The following NKAIN3 variants were observed in gnomAD, a reference collection of about 807,000 sequenced individuals.
The protein encoded by NKAIN3 is sodium/potassium transporting ATPase interacting 3.
NKAIN3 carries 25 observed loss-of-function variants against 30.2 expected under a neutral mutation model. The ratio of observed to expected loss-of-function variants is 0.83; its 90% CI spans 0.60 to 1.16. The LOEUF is 1.16. Ranked by LOEUF, NKAIN3 falls within the 50% of genes most tolerant of loss-of-function variation. The probability of loss-of-function intolerance (pLI) is 0.00; values close to 1 mark genes in which losing one functional copy is unlikely to be tolerated. For synonymous variants in NKAIN3, 91 were observed against 89.6 expected (o/e 1.02, Z -0.09); for missense variants, 225 against 254.1 (o/e 0.89, Z 0.78).
chr8:62,728,033 T>A (rs531759992), intron 3 of NKAIN3, among the ~76,000 whole-genome samples: 193 of 152,302 alleles, frequency 1.3e-3, no homozygotes, highest in African/African-American at 4.5e-3. Context: ...GCCTTTGAAT[T>A]GATAAAGGCA....
At chr8:62,307,520 T>C (rs1444846383) in intron 1 of NKAIN3, among the ~76,000 whole-genome samples, 1 of 150,418 alleles carries the variant, frequency 6.6e-6, no homozygotes, top group East Asian at 1.9e-4. Flanking sequence ...AACCTTCTGA[T>C]TTTGTAGGAA....
intron 1 of NKAIN3, among the ~76,000 whole-genome samples, chr8:62,353,827 C>T (rs1199075759): frequency 6.6e-6 from 1 of 152,020 alleles, no homozygotes; most frequent in Admixed American, 6.5e-5. Flanking sequence ...GAAACAGACA[C>T]AAAGACAAAA....
At chr8:62,312,650 G>A in intron 1 of NKAIN3, among the ~76,000 whole-genome samples, 1 of 141,938 alleles carries the variant, frequency 7.0e-6, no homozygotes, top group East Asian at 1.9e-4. Flanking sequence ...AAACCCTATT[G>A]CTACAAAAAA....
chr8:62,958,912 T>A (rs1425405522), intron 6 of NKAIN3, among the ~76,000 whole-genome samples: 1 of 152,224 alleles, frequency 6.6e-6, no homozygotes, highest in African/African-American at 2.4e-5. Context: ...TAGATCTGAT[T>A]ATGTTAGAAA....
At chr8:62,779,482 C>T (rs1563557787) in intron 4 of NKAIN3, among the ~76,000 whole-genome samples, 1 of 152,024 alleles carries the variant, frequency 6.6e-6, no homozygotes, top group Non-Finnish European at 1.5e-5. Flanking sequence ...TCCACTGAGA[C>T]AGCACAGAAC....
chr8:62,633,092 C>T (rs558765276), intron 3 of NKAIN3, among the ~76,000 whole-genome samples: 17 of 152,188 alleles, frequency 1.1e-4, no homozygotes, highest in Non-Finnish European at 1.8e-4. Flanking sequence ...ATACTCCTAA[C>T]TACAAATCCT....
chr8:62,555,142 G>C (rs1809348189), intron 1 of NKAIN3, among the ~76,000 whole-genome samples: 1 of 138,714 alleles, frequency 7.2e-6, no homozygotes, highest in South Asian at 2.4e-4. Flanking sequence ...ACAATGTCAT[G>C]TTGTATACCT....
In NKAIN3 at chr8:62,981,503, C is replaced by A. The variant is rs750717948; in HGVS notation, c.*16096C>A. 6.6e-6 allele frequency: 1 copy of A among 152,066 alleles called. No homozygotes were observed. The highest frequency in any genetic ancestry group is 6.6e-5 in the Admixed American group (1 of 15,256). The allele number at this position is 152,066 out of a possible 1,614,324, so 9.4% of individuals were successfully genotyped here. The stretch of plus-strand genomic sequence containing the variant: ...TTAATATCCACATCAGTTCCTAAAG[C>A]AAAATGCCTGACACAGACTAACAAA... On this transcript the variant is annotated 3_prime_UTR_variant, in exon 7 of 7. Transcript: ENST00000623646.
intron 4 of NKAIN3, among the ~76,000 whole-genome samples, chr8:62,883,328 G>A (rs1821044751): frequency 6.6e-6 from 1 of 151,746 alleles, no homozygotes; most frequent in Non-Finnish European, 1.5e-5. Flanking sequence ...TAATGTAAAT[G>A]GTATTGTGTT....
Position 62,746,226 on chromosome 8 carries a change from T to C in NKAIN3, c.274-706T>C, listed in dbSNP as rs73683239. Among the ~76,000 whole-genome samples the C allele has an allele frequency of 9.8e-3, 1,493 of 152,332 alleles. 23 individuals are homozygous for C. Among genetic ancestry groups the C allele is most frequent in the African/African-American group, 0.034 (1,414 of 41,576 alleles). On this transcript the variant is annotated intron_variant, in intron 3 of 6. Transcript: ENST00000623646. ...TGCCACATCCCAGTCTCTGCTTCTA[T>C]GGTCACATTGCCTTTGCCTCTTCTA...
At chr8:62,930,241 T>C (rs973050936) in intron 5 of NKAIN3, among the ~76,000 whole-genome samples, 7 of 150,490 alleles carry the variant, frequency 4.7e-5, no homozygotes, top group African/African-American at 1.7e-4. Flanking sequence ...CTCCAGCCTC[T>C]AGTAACCTCC....
chr8:62,888,599 T>C (rs1203156133), intron 4 of NKAIN3, among the ~76,000 whole-genome samples: 1 of 152,208 alleles, frequency 6.6e-6, no homozygotes, highest in Non-Finnish European at 1.5e-5. Flanking sequence ...GAGTTGTTGA[T>C]TTTTCAGTTT....
intron 4 of NKAIN3, among the ~76,000 whole-genome samples, chr8:62,912,113 T>G (rs1368272175): frequency 6.6e-6 from 1 of 152,226 alleles, no homozygotes; most frequent in Non-Finnish European, 1.5e-5. Context: ...TCTATAGCAC[T>G]GTTACTGTAC....
At chr8:62,947,113 T>C (rs899405209) in intron 5 of NKAIN3, among the ~76,000 whole-genome samples, 2 of 152,188 alleles carry the variant, frequency 1.3e-5, no homozygotes, top group African/African-American at 4.8e-5. Flanking sequence ...TGAAATAAAG[T>C]CATTTAATGG....
At chr8:62,895,360 T>C (rs1226371159) in intron 4 of NKAIN3, among the ~76,000 whole-genome samples, 1 of 152,214 alleles carries the variant, frequency 6.6e-6, no homozygotes, top group Non-Finnish European at 1.5e-5. Context: ...CTGCACTCCT[T>C]GCTATGCAAA....
intron 5 of NKAIN3, among the ~76,000 whole-genome samples, chr8:62,921,636 C>T (rs1000739546): frequency 5.9e-5 from 9 of 152,112 alleles, no homozygotes; most frequent in African/African-American, 1.9e-4. Flanking sequence ...GGGGTCAGAG[C>T]TTCTCGTCAT....
chr8:62,535,734 C>T (rs1260547353), intron 1 of NKAIN3, among the ~76,000 whole-genome samples: 5 of 152,150 alleles, frequency 3.3e-5, no homozygotes, highest in Non-Finnish European at 7.3e-5. Context: ...GTATTCAGCT[C>T]CCTGGAAGCT....
chr8:62,325,687 A>G (rs1815093906), intron 1 of NKAIN3, among the ~76,000 whole-genome samples: 1 of 152,092 alleles, frequency 6.6e-6, no homozygotes, highest in Admixed American at 6.6e-5. Context: ...TACAGGAATA[A>G]GGTGGTATCT....
intron 4 of NKAIN3, among the ~76,000 whole-genome samples, chr8:62,803,926 G>A (rs1050914790): frequency 4.6e-5 from 7 of 152,094 alleles, no homozygotes; most frequent in Admixed American, 1.3e-4. Flanking sequence ...AAATGATAAA[G>A]GGGATATCAC....
Sources: allele counts gnomAD v4.1 joint callset (sites outside exome capture counted in the v4.1 genomes callset), GRCh38; gene constraint gnomAD v4.1.1; transcripts MANE v1.5; gene names NCBI Gene and HGNC (gene_info 2026-07-23, HGNC 2026-07-21).